Variants in NCKAP5 observed in about 807,000 individuals in gnomAD.
The protein encoded by NCKAP5 is nck-associated protein 5.
A neutral mutation model predicts 167.0 loss-of-function variants in NCKAP5; 92 were observed. That is an observed-to-expected ratio of 0.55 (90% CI 0.47 to 0.66). NCKAP5 has a LOEUF of 0.66. Ranked by LOEUF, NCKAP5 falls within the 30% of genes least tolerant of loss-of-function variation. The pLI is 0.00. For missense variants in NCKAP5, 2,378 were observed against 2,315.0 expected, an observed-to-expected ratio of 1.03 and a Z score of -0.56; for synonymous variants, 891 against 877.4, an observed-to-expected ratio of 1.02 and a Z score of -0.27.
chr2:132,955,524 A>G (rs1443745677), intron 8 of NCKAP5, among the ~76,000 whole-genome samples: 2 of 152,186 alleles, frequency 1.3e-5, no homozygotes, highest in African/African-American at 4.8e-5. Flanking sequence ...TCTATGGTGT[A>G]TATGTGCCAC....
At chr2:132,996,161 G>A (rs564039618) in intron 6 of NCKAP5, among the ~76,000 whole-genome samples, 1 of 152,200 alleles carries the variant, frequency 6.6e-6, no homozygotes, top group African/African-American at 2.4e-5. Context: ...TCATTATGTG[G>A]CACATGAATG....
intron 4 of NCKAP5, chr2:133,265,241 CCT>C (rs1329268497): frequency 6.6e-6 from 1 of 152,194 alleles, no homozygotes; most frequent in African/African-American, 2.4e-5. Context: ...GCAACACGGG[CCT>C]CATTCATAAA....
chr2:133,177,164 C>CTATATATATATATATATATATA (rs61395261), intron 5 of NCKAP5, among the ~76,000 whole-genome samples: 113 of 138,582 alleles, frequency 8.2e-4, no homozygotes, highest in African/African-American at 2.0e-3. Flanking sequence ...GTTTTGTTTT[C>CTATATATATATATATATATATA]TATATATATA....
At chr2:133,624,137 G>C in the NCKAP5 span, among the ~76,000 whole-genome samples, 4 of 152,144 alleles carry the variant, frequency 2.6e-5, no homozygotes, top group East Asian at 7.7e-4. Context: ...GGGGAAAAGG[G>C]TGGGGGATGG....
At chr2:132,677,480 G>C (rs1032477775) in intron 19 of NCKAP5, among the ~76,000 whole-genome samples, 8 of 152,046 alleles carry the variant, frequency 5.3e-5, no homozygotes, top group Non-Finnish European at 1.2e-4. Context: ...GACCAGCTTT[G>C]TGCAAACAGT....
At chr2:132,696,551 G>C (rs1174661935) in intron 19 of NCKAP5, among the ~76,000 whole-genome samples, 1 of 152,142 alleles carries the variant, frequency 6.6e-6, no homozygotes, top group Non-Finnish European at 1.5e-5. Context: ...ATAATGGTGA[G>C]AGGTTCAGCC....
At chr2:132,970,325 C>A (rs2076794320) in intron 7 of NCKAP5, among the ~76,000 whole-genome samples, 1 of 152,118 alleles carries the variant, frequency 6.6e-6, no homozygotes, top group African/African-American at 2.4e-5. Context: ...ATGTGTAGTG[C>A]TAAATACTGT....
intron 6 of NCKAP5, among the ~76,000 whole-genome samples, chr2:133,089,594 A>G (rs531635911): frequency 1.3e-5 from 2 of 152,362 alleles, no homozygotes; most frequent in African/African-American, 4.8e-5. Flanking sequence ...CTCTTCATTT[A>G]CAAAAGAGAT....
intron 9 of NCKAP5, among the ~76,000 whole-genome samples, chr2:132,876,333 A>G (rs78201427): frequency 0.019 from 2,899 of 152,216 alleles, 89 homozygotes; most frequent in African/African-American, 0.067. Context: ...TCTGGGCTCA[A>G]GTAATCCTCC....
At chr2:133,185,175 G>C (rs528933914) in intron 5 of NCKAP5, among the ~76,000 whole-genome samples, 1 of 151,966 alleles carries the variant, frequency 6.6e-6, no homozygotes, top group Non-Finnish European at 1.5e-5. Flanking sequence ...ATTCTTCTGC[G>C]TATGGCTAGC....
intron 16 of NCKAP5, among the ~76,000 whole-genome samples, chr2:132,760,015 C>T (rs533289447): frequency 4.1e-4 from 62 of 152,080 alleles, no homozygotes; most frequent in African/African-American, 1.4e-3. Flanking sequence ...TTTTCACATG[C>T]AAATATAACT....
intron 8 of NCKAP5, among the ~76,000 whole-genome samples, chr2:132,882,784 T>C (rs765083688): frequency 8.5e-5 from 13 of 152,196 alleles, no homozygotes; most frequent in Non-Finnish European, 1.5e-4. Context: ...TTAAAGGGTA[T>C]ATATTGAGTG....
intron 3 of NCKAP5, among the ~76,000 whole-genome samples, chr2:133,411,531 G>A (rs891076382): frequency 9.2e-5 from 14 of 152,192 alleles, no homozygotes; most frequent in Non-Finnish European, 1.8e-4. Flanking sequence ...ACTGGGGCTG[G>A]TGGAGGGGCA....
intron 4 of NCKAP5, among the ~76,000 whole-genome samples, chr2:133,299,954 C>T (rs563813603): frequency 5.4e-4 from 82 of 150,654 alleles, no homozygotes; most frequent in African/African-American, 1.9e-3. Flanking sequence ...ATATCACCAC[C>T]GATCCCACAG....
At chr2:133,386,133 C>T (rs1686948201) in intron 3 of NCKAP5, among the ~76,000 whole-genome samples, 1 of 152,010 alleles carries the variant, frequency 6.6e-6, no homozygotes, top group South Asian at 2.1e-4. Flanking sequence ...ATTTTAATTG[C>T]AATGTTAGGG....
intron 5 of NCKAP5, among the ~76,000 whole-genome samples, chr2:133,186,212 T>C (rs1004122450): frequency 1.3e-5 from 2 of 152,090 alleles, no homozygotes; most frequent in East Asian, 1.9e-4. Flanking sequence ...GTGATTAAGA[T>C]AATCATATAG....
intron 3 of NCKAP5, among the ~76,000 whole-genome samples, chr2:133,363,487 G>A (rs1457059989): frequency 6.6e-6 from 1 of 152,042 alleles, no homozygotes; most frequent in Non-Finnish European, 1.5e-5. Context: ...AAACAACTAG[G>A]ATGTTTCATA....
chr2:133,215,495 T>A (rs544854062), intron 4 of NCKAP5, among the ~76,000 whole-genome samples: 14 of 152,266 alleles, frequency 9.2e-5, no homozygotes, highest in African/African-American at 3.1e-4. Context: ...TGAACAGAAC[T>A]ATATGTTCAC....
intron 11 of NCKAP5, among the ~76,000 whole-genome samples, chr2:132,836,924 A>G (rs976830171): frequency 2.0e-5 from 3 of 152,186 alleles, no homozygotes; most frequent in African/African-American, 7.2e-5. Context: ...TCCGTTTCTT[A>G]AAGCACACTC....
Sources: allele counts gnomAD v4.1 joint callset (sites outside exome capture counted in the v4.1 genomes callset), GRCh38; gene constraint gnomAD v4.1.1; transcripts MANE v1.5; gene names NCBI Gene and HGNC (gene_info 2026-07-23, HGNC 2026-07-21).